The following CPNE8 variants were observed in gnomAD, a reference collection of about 807,000 sequenced individuals.
The protein encoded by CPNE8 is copine 8, also known as copine-8.
A neutral mutation model predicts 81.5 loss-of-function variants in CPNE8; 45 were observed. That is an observed-to-expected ratio of 0.55 (90% CI 0.44 to 0.71). CPNE8 has a LOEUF of 0.71. Among genes scored for constraint, CPNE8 ranks in the 30% least tolerant of loss-of-function variants. The pLI is 0.00. For missense variants in CPNE8, 594 were observed against 672.1 expected (o/e 0.88, Z 1.28); for synonymous variants, 252 against 226.3 (o/e 1.11, Z -1.02).
chr12:38,891,694 G>A (rs569386448), intron 1 of CPNE8, among the ~76,000 whole-genome samples: 3 of 151,998 alleles, frequency 2.0e-5, no homozygotes, highest in African/African-American at 2.4e-5. Context: ...TGATCCGTCC[G>A]CCTCGGCCTC....
chr12:38,784,251 A>G (rs961840689), intron 6 of CPNE8, among the ~76,000 whole-genome samples: 3 of 152,242 alleles, frequency 2.0e-5, no homozygotes, highest in African/African-American at 7.2e-5. Flanking sequence ...TTTTAATGGC[A>G]GAGTTGATCA....
intron 14 of CPNE8, among the ~76,000 whole-genome samples, chr12:38,698,966 C>T (rs1027604631): frequency 2.0e-5 from 3 of 152,136 alleles, no homozygotes; most frequent in African/African-American, 7.2e-5. Context: ...AAATAAATTT[C>T]ATATTAATTT....
intron 6 of CPNE8, among the ~76,000 whole-genome samples, chr12:38,824,152 A>T (rs1943151578): frequency 6.6e-6 from 1 of 152,202 alleles, no homozygotes; most frequent in African/African-American, 2.4e-5. Flanking sequence ...AAAATTATTG[A>T]ACATCAATTT....
At chr12:38,745,361 G>A (rs950908820) in intron 10 of CPNE8, among the ~76,000 whole-genome samples, 1 of 152,074 alleles carries the variant, frequency 6.6e-6, no homozygotes, top group Non-Finnish European at 1.5e-5. Context: ...CCTCTCTCAG[G>A]AAACATCCAT....
intron 13 of CPNE8, among the ~76,000 whole-genome samples, chr12:38,717,427 G>GTATATATATATA (rs1491219731): frequency 0.08 from 5,484 of 68,760 alleles, 868 homozygotes; most frequent in East Asian, 0.11. Flanking sequence ...AGAAAGTGTG[G>GTATATATATATA]TGTATATATA....
intron 6 of CPNE8, among the ~76,000 whole-genome samples, chr12:38,820,648 T>C (rs2137005941): frequency 6.6e-6 from 1 of 152,294 alleles, no homozygotes; most frequent in East Asian, 1.9e-4. Flanking sequence ...TCCAAAATAA[T>C]ATAGATCATG....
chr12:38,822,284 T>C (rs1354687472), intron 6 of CPNE8, among the ~76,000 whole-genome samples: 1 of 152,328 alleles, frequency 6.6e-6, no homozygotes, highest in African/African-American at 2.4e-5. Context: ...TTCCCCTATT[T>C]GATAGTTCAG....
intron 6 of CPNE8, among the ~76,000 whole-genome samples, chr12:38,791,575 A>G (rs1325260099): frequency 6.6e-6 from 1 of 151,686 alleles, no homozygotes; most frequent in East Asian, 1.9e-4. Flanking sequence ...AAAAACCTAA[A>G]CAAACTAGCA....
intron 6 of CPNE8, among the ~76,000 whole-genome samples, chr12:38,794,711 A>C (rs1942413130): frequency 2.6e-5 from 4 of 151,984 alleles, no homozygotes. Context: ...ACCCTTGTGC[A>C]CTATTGGTGG....
At chr12:38,809,055 G>C (rs972838171) in intron 6 of CPNE8, among the ~76,000 whole-genome samples, 2 of 152,032 alleles carry the variant, frequency 1.3e-5, no homozygotes, top group Non-Finnish European at 2.9e-5. Context: ...ATGACCATTT[G>C]GAAAACAATT....
chr12:38,727,378 T>G (rs1156473912), intron 11 of CPNE8, among the ~76,000 whole-genome samples: 1 of 152,206 alleles, frequency 6.6e-6, no homozygotes, highest in African/African-American at 2.4e-5. Flanking sequence ...TTTCAGGTAA[T>G]GAATATGGTA....
chr12:38,873,304 G>A (rs749678398), intron 2 of CPNE8, among the ~76,000 whole-genome samples: 3 of 152,028 alleles, frequency 2.0e-5, no homozygotes, highest in Non-Finnish European at 4.4e-5. Flanking sequence ...AAAATAATAA[G>A]TACTTGCTAA....
intron 6 of CPNE8, among the ~76,000 whole-genome samples, chr12:38,798,024 A>C (rs1434588090): frequency 6.6e-6 from 1 of 152,142 alleles, no homozygotes; most frequent in African/African-American, 2.4e-5. Flanking sequence ...AAATGAAGAA[A>C]GCCTCCAAGA....
At chr12:38,660,805 T>C (rs1037848620) in intron 19 of CPNE8, among the ~76,000 whole-genome samples, 2 of 152,174 alleles carry the variant, frequency 1.3e-5, no homozygotes, top group African/African-American at 2.4e-5. Context: ...GCAAAGGATA[T>C]GAACAGATAC....
chr12:38,871,902 A>G (rs375259796), intron 3 of CPNE8, among the ~76,000 whole-genome samples: 13 of 152,128 alleles, frequency 8.5e-5, no homozygotes, highest in African/African-American at 2.9e-4. Context: ...TTGGGAGGCC[A>G]AGGCAGGTGG....
chr12:38,721,004 A>T (rs1392809333), intron 13 of CPNE8: 1 of 152,668 alleles, frequency 6.6e-6, no homozygotes, highest in Non-Finnish European at 1.5e-5. Flanking sequence ...TCCTGCCCTC[A>T]CAGGCTCAGA....
At chr12:38,889,500 A>T (rs1452675994) in intron 1 of CPNE8, among the ~76,000 whole-genome samples, 3 of 152,162 alleles carry the variant, frequency 2.0e-5, no homozygotes, top group African/African-American at 7.2e-5. Context: ...AAAGTGGAGA[A>T]GGGGAGGGTG....
intron 15 of CPNE8, among the ~76,000 whole-genome samples, chr12:38,687,358 G>A (rs555586031): frequency 2.4e-3 from 338 of 142,272 alleles, no homozygotes; most frequent in African/African-American, 8.5e-3. Flanking sequence ...ACCAAATTAC[G>A]AAATGCCAAG....
chr12:38,667,020 A>T (rs1939071131), intron 19 of CPNE8, among the ~76,000 whole-genome samples: 1 of 152,186 alleles, frequency 6.6e-6, no homozygotes, highest in South Asian at 2.1e-4. Context: ...ACAAAAAGGA[A>T]GGTATTTAAT....
Sources: allele counts gnomAD v4.1 joint callset (sites outside exome capture counted in the v4.1 genomes callset), GRCh38; gene constraint gnomAD v4.1.1; transcripts MANE v1.5; gene names NCBI Gene and HGNC (gene_info 2026-07-23, HGNC 2026-07-21).